The following CEP41 variants were observed in gnomAD, a reference collection of about 807,000 sequenced individuals.
CEP41 encodes centrosomal protein 41.
Under a neutral mutation model 44.3 loss-of-function variants are expected in CEP41, and 32 were observed. The observed-to-expected ratio is 0.72, with a 90% confidence interval of 0.54 to 0.97. The LOEUF (loss-of-function observed/expected upper bound fraction) is 0.97. Ranked by LOEUF, CEP41 falls within the 50% of genes least tolerant of loss-of-function variation. The pLI, the probability that CEP41 is intolerant of heterozygous loss-of-function variation, is 0.00. For synonymous variants in CEP41, 151 were observed against 168.5 expected (o/e 0.90, Z 0.80); for missense variants, 432 against 455.2 (o/e 0.95, Z 0.46).
chr7:130,402,728 T>C lies in CEP41; in HGVS notation c.494A>G (p.Asp165Gly), dbSNP rs782167856. Residue 165 changes from aspartate to glycine, a missense_variant, in exon 7 of 11, where the codon GAC (aspartate) becomes GGC (glycine). Coordinates refer to ENST00000223208, the MANE Select transcript of CEP41 (RefSeq NM_018718.3). ...GAAGGGGCAGTCAGGATAAGGTTTG[T>C]CTTTGGTATGGGGCTCTGCTTTCTT... ...PVKKAEPHTK[D>G]KPYPDCPFLL... 3 of 1,614,176 alleles carry C rather than the reference T, an allele frequency of 1.9e-6. No homozygotes were observed. The South Asian group carries it at 3.3e-5, about 18-fold the overall frequency.
intron 5 of CEP41, among the ~76,000 whole-genome samples, chr7:130,406,583 C>CA (rs1236870937): frequency 6.6e-6 from 1 of 150,610 alleles, no homozygotes; most frequent in South Asian, 2.1e-4. Context: ...GACTCCATCT[C>CA]AAAAAAATAA....
At chr7:130,414,584 A>G (rs1554420481) in intron 3 of CEP41, among the ~76,000 whole-genome samples, 1 of 152,066 alleles carries the variant, frequency 6.6e-6, no homozygotes, top group African/African-American at 2.4e-5. Context: ...TTAAACAAAC[A>G]AAAAAAAGAC....
intron 2 of CEP41, chr7:130,419,853 C>T (rs1797448305): frequency 1.0e-6 from 1 of 985,166 alleles, no homozygotes; most frequent in South Asian, 4.7e-5. Flanking sequence ...CTCCTCTGAG[C>T]CTCTATAGCA....
rs1339725123 is a variant in CEP41, at chr7:130,438,937, C to CT, written c.33+1996dup. ...TTAACATATCCATCAACCCACTTAT[C>CT]TTTTTTTTGAGGTGAGATATTTGAA... On this transcript the variant is annotated intron_variant, in intron 1 of 10. Coordinates refer to ENST00000223208, the MANE Select transcript of CEP41 (RefSeq NM_018718.3). Among the ~76,000 whole-genome samples, 9 of 152,078 alleles carry CT rather than the reference C, an allele frequency of 5.9e-5. No homozygotes were observed. In the South Asian group the frequency reaches 8.3e-4, roughly 14 times the overall value.
chr7:130,413,453 C>T (rs757732243), intron 3 of CEP41, among the ~76,000 whole-genome samples: 1 of 151,932 alleles, frequency 6.6e-6, no homozygotes, highest in African/African-American at 2.4e-5. Flanking sequence ...TGGTGGTGCA[C>T]ACCTGTAATC....
intron 2 of CEP41, among the ~76,000 whole-genome samples, chr7:130,424,391 C>A (rs1486171219): frequency 6.7e-6 from 1 of 150,146 alleles, no homozygotes; most frequent in African/African-American, 2.5e-5. Context: ...CAGAGTAAGA[C>A]CCTGTCTCAA....
intron 3 of CEP41, among the ~76,000 whole-genome samples, chr7:130,416,525 G>GT (rs1325956330): frequency 6.6e-6 from 1 of 152,180 alleles, no homozygotes; most frequent in African/African-American, 2.4e-5. Flanking sequence ...ACACAAGAAT[G>GT]TTCTGAAGGA....
At position 130,397,686 on chromosome 7, in the gene CEP41, C is replaced by A. The variant is rs1554415397; in HGVS notation, c.*1205G>T. ...CCTTATCACAGCTACGATCACAGAC[C>A]ATAAAAATTAACACCGCTCTTTTCC... is the stretch of plus-strand genomic sequence containing the variant. On this transcript the variant is annotated 3_prime_UTR_variant, in exon 11 of 11. Coordinates refer to ENST00000223208, the MANE Select transcript of CEP41 (RefSeq NM_018718.3). The A allele has an allele frequency of 2.2e-6, 1 of 454,158 alleles. No homozygotes were observed. The highest frequency in any genetic ancestry group is 6.9e-4 in the Middle Eastern group (1 of 1,444). 28.1% of individuals were successfully genotyped at this position (454,158 alleles called of 1,614,324 possible).
chr7:130,424,401 A>G (rs1797599643), intron 2 of CEP41, among the ~76,000 whole-genome samples: 1 of 144,516 alleles, frequency 6.9e-6, no homozygotes, highest in South Asian at 2.1e-4. Context: ...CCCTGTCTCA[A>G]AAAAAAAAAA....
At chr7:130,417,119 T>A in intron 2 of CEP41, 153 bp from the exon 3 acceptor site, 13 of 1,433,930 alleles carry the variant, frequency 9.1e-6, no homozygotes, top group Non-Finnish European at 1.2e-5. Flanking sequence ...CACAGTAAAA[T>A]CTTTTGGATA....
At chr7:130,430,123 T>G (rs1797781156) in intron 1 of CEP41, among the ~76,000 whole-genome samples, 1 of 152,186 alleles carries the variant, frequency 6.6e-6, no homozygotes, top group Non-Finnish European at 1.5e-5. Flanking sequence ...ATGGGATACT[T>G]TAGTGTCTTA....
At position 130,394,620 on chromosome 7, in the gene CEP41, C is replaced by T. The variant is rs575779321; in HGVS notation, c.*4271G>A. On this transcript the variant is annotated 3_prime_UTR_variant, in exon 11 of 11. Coordinates refer to ENST00000223208, the MANE Select transcript of CEP41 (RefSeq NM_018718.3). ...TCTAAAAACCTCAGGGTTTTGAATG[C>T]CTCGCCCACAAAGGCAGGATACACA... The T allele has an allele frequency of 1.1e-5, 5 of 453,434 alleles. No individual in the cohort carries two copies. Among genetic ancestry groups the T allele is most frequent in the Non-Finnish European group, 1.8e-5 (4 of 226,404 alleles). 28.1% of individuals were successfully genotyped at this position (453,434 alleles called of 1,614,324 possible). A position where few individuals can be genotyped will look rare whatever the true frequency, so the allele number is the denominator to read the frequency against.
At chr7:130,440,232 G>C (rs1431696521) in intron 1 of CEP41, among the ~76,000 whole-genome samples, 6 of 152,138 alleles carry the variant, frequency 3.9e-5, no homozygotes, top group African/African-American at 1.4e-4. Context: ...TGTTGGCCAG[G>C]CTGGTCTCAA....
intron 5 of CEP41, among the ~76,000 whole-genome samples, chr7:130,405,715 A>G (rs540045189): frequency 1.3e-5 from 2 of 152,356 alleles, no homozygotes; most frequent in South Asian, 2.1e-4. Flanking sequence ...AGTATAAGAC[A>G]GTTACACTGC....
Position 130,395,126 on chromosome 7 carries a change from C to T in CEP41, c.*3765G>A, listed in dbSNP as rs138768326. The T allele has an allele frequency of 2.2e-6, 1 of 453,992 alleles. No homozygotes were observed. The highest frequency in any genetic ancestry group is 2.0e-5 in the African/African-American group (1 of 49,998). The allele number at this position is 453,992 out of a possible 1,614,324, so 28.1% of individuals were successfully genotyped here. ...CACCATTACATTTTTTATGTTGTAA[C>T]TGACCTGTGTATCCATTTAAAGATG... On this transcript the variant is annotated 3_prime_UTR_variant, in exon 11 of 11. Coordinates refer to ENST00000223208, the MANE Select transcript of CEP41 (RefSeq NM_018718.3).
At chr7:130,424,255 C>T (rs969196356) in intron 2 of CEP41, among the ~76,000 whole-genome samples, 3 of 151,854 alleles carry the variant, frequency 2.0e-5, no homozygotes, top group Non-Finnish European at 4.4e-5. Context: ...AAAATATTAG[C>T]CGGGCATGGT....
chr7:130,419,880 C>G, intron 2 of CEP41: 1 of 985,344 alleles, frequency 1.0e-6, no homozygotes, highest in Non-Finnish European at 1.2e-6. Context: ...TTACAACTCA[C>G]AAGGCATTTA....
chr7:130,436,221 C>T (rs1402201148), intron 1 of CEP41, among the ~76,000 whole-genome samples: 1 of 151,250 alleles, frequency 6.6e-6, no homozygotes, highest in Non-Finnish European at 1.5e-5. Flanking sequence ...GATCAGGTAC[C>T]AGAAAGAATG....
intron 3 of CEP41, among the ~76,000 whole-genome samples, chr7:130,413,600 A>C (rs1268146450): frequency 2.6e-5 from 4 of 151,354 alleles, no homozygotes; most frequent in Non-Finnish European, 1.5e-5. Context: ...CAAAAAAAAA[A>C]CTTAAAACAT....
Sources: gnomAD v4.1 joint callset for allele counts (sites outside exome capture counted in the v4.1 genomes callset) on GRCh38, gnomAD v4.1.1 for gene constraint, MANE v1.5 for transcripts, NCBI Gene and HGNC (gene_info 2026-07-23, HGNC 2026-07-21) for gene names.